Variants in BRWD1 observed in about 807,000 individuals in gnomAD.
The protein encoded by BRWD1 is bromodomain and WD repeat domain containing 1, also known as bromodomain and WD repeat-containing protein 1.
BRWD1 carries 82 observed loss-of-function variants against 251.2 expected under a neutral mutation model. The observed-to-expected ratio is 0.33, with a 90% CI of 0.27 to 0.39. The LOEUF (loss-of-function observed/expected upper bound fraction) is 0.39. Among genes scored for constraint, BRWD1 ranks in the 10% least tolerant of loss-of-function variants. The pLI, the probability that BRWD1 is intolerant of heterozygous loss-of-function variation, is 1.00. For synonymous variants in BRWD1, 918 were observed against 902.8 expected (o/e 1.02, Z -0.30); for missense variants, 2,233 against 2,711.6 (o/e 0.82, Z 3.92).
chr21:39,190,128 T>C lies in BRWD1; in HGVS notation c.*6131A>G, dbSNP rs1165195226. ...TCACAGATATGTGTGTATTCTAAGA[T>C]GGTATATGTGGTGAATAGAAACCTG... On this transcript the variant is annotated 3_prime_UTR_variant, in exon 41 of 41. Transcript: ENST00000342449. 3 of 984,980 alleles carry C rather than the reference T, an allele frequency of 3.0e-6. No homozygotes were observed. Among genetic ancestry groups the C allele is most frequent in the Non-Finnish European group, 3.6e-6 (3 of 829,650 alleles). 61.0% of individuals were successfully genotyped at this position (984,980 alleles called of 1,614,324 possible). A position where few individuals can be genotyped will look rare whatever the true frequency, so the allele number is the denominator to read the frequency against.
chr21:39,292,522 C>T (rs934508129), intron 8 of BRWD1, among the ~76,000 whole-genome samples: 25 of 152,136 alleles, frequency 1.6e-4, no homozygotes, highest in Non-Finnish European at 2.8e-4. Flanking sequence ...TCGCCCCAGA[C>T]GTTTTGAAAT....
Position 39,270,364 on chromosome 21 carries a change from A to G in BRWD1, c.1314T>C (p.Asp438=), listed in dbSNP as rs2035059858. The G allele has an allele frequency of 1.9e-6, 3 of 1,612,878 alleles. No individual in the cohort carries two copies. The highest frequency in any genetic ancestry group is 2.5e-6 in the Non-Finnish European group (3 of 1,179,416). Residue 438 remains aspartate (D), a synonymous_variant, in exon 14 of 41, where the codon GAT becomes GAC. Coordinates refer to ENST00000342449, the MANE Select transcript of BRWD1 (RefSeq NM_033656.4). The stretch of plus-strand genomic sequence containing the variant: ...CATTCACAGCTGTGACAACAATGCT[A>G]TCATTTTGATTCCAAGCTATCATTG... The part of the protein sequence containing the change: ...KVTMIAWNQN[D]SIVVTAVNDH...
rs1391459066 is a variant in BRWD1 at position 39,199,303 on chromosome 21, A to T, written c.5113T>A (p.Ser1705Thr). The change falls in exon 40 of 41, where the codon TCT (serine) becomes ACT (threonine). Residue 1705 changes from serine (S) to threonine (T), a missense_variant. Physicochemically the swap from Ser to Thr is moderately conservative, Grantham distance 58. This residue lies in a region of BRWD1 where 928 missense variants were observed against 970.0 expected (regional missense o/e 0.96). Coordinates refer to ENST00000342449, the MANE Select transcript of BRWD1 (RefSeq NM_033656.4). Reference protein sequence around the residue: ...DENQLLPVSSSHTAQSNVDES... With the variant: ...DENQLLPVSSTHTAQSNVDES... ...TCAACATTGCTCTGGGCAGTGTGAGAACTGGACACTGGTAATAGTTGATTT... is the reference window on the plus strand; with the variant it reads ...TCAACATTGCTCTGGGCAGTGTGAGTACTGGACACTGGTAATAGTTGATTT... 2 of 1,614,050 alleles carry T rather than the reference A, an allele frequency of 1.2e-6. No homozygotes were observed. The highest frequency in any genetic ancestry group is 2.2e-5 in the East Asian group (1 of 44,894).
chr21:39,186,857 CAT>C lies in BRWD1; in HGVS notation c.*9400_*9401del, dbSNP rs2031264211. ...TTCCTCCTCAGAATTCCCCAGAGCA[CAT>C]GTCTGTACAAGAGCTGACTGGGAGG... On this transcript the variant is annotated 3_prime_UTR_variant, in exon 41 of 41. Coordinates refer to ENST00000342449, the MANE Select transcript of BRWD1 (RefSeq NM_033656.4). The C allele has an allele frequency of 2.6e-6, 3 of 1,141,372 alleles. No homozygotes were observed. The highest frequency in any genetic ancestry group is 3.5e-6 in the Non-Finnish European group (3 of 853,914). 70.7% of individuals were successfully genotyped at this position (1,141,372 alleles called of 1,614,324 possible). A position where few individuals can be genotyped will look rare whatever the true frequency, so the allele number is the denominator to read the frequency against.
chr21:39,312,610 GC>G (rs1475033180), intron 4 of BRWD1: 11 of 365,364 alleles, frequency 3.0e-5, no homozygotes, highest in East Asian at 2.9e-4. Flanking sequence ...TCCGCGAGTC[GC>G]CCCCACCGCT....
chr21:39,261,327 G>C (rs968417325), intron 17 of BRWD1, among the ~76,000 whole-genome samples: 1 of 152,188 alleles, frequency 6.6e-6, no homozygotes, highest in Non-Finnish European at 1.5e-5. Flanking sequence ...AATTTGCAGA[G>C]CTCTCACAGG....
In BRWD1 at chr21:39,195,918, C is replaced by T; in HGVS notation, c.*341G>A. 1 of 1,013,106 alleles carries T rather than the reference C, an allele frequency of 9.9e-7. No individual in the cohort carries two copies. Among genetic ancestry groups the T allele is most frequent in the Non-Finnish European group, 1.2e-6 (1 of 848,800 alleles). 62.8% of individuals were successfully genotyped at this position (1,013,106 alleles called of 1,614,324 possible). A position where few individuals can be genotyped will look rare whatever the true frequency, so the allele number is the denominator to read the frequency against. On this transcript the variant is annotated 3_prime_UTR_variant, in exon 41 of 41. Transcript: ENST00000342449. ...CCTCTTTGACAAATTCAGAAAATAA[C>T]TGCATGACACTTGCTGCCATGAAAG...
Position 39,293,815 on chromosome 21 carries a change from A to T in BRWD1, c.827T>A (p.Leu276Ter). Residue 276 changes from leucine (L) to a stop codon, truncating the protein, a stop_gained, in exon 8 of 41, where the codon TTA becomes TAA. Transcript: ENST00000342449. LOFTEE classifies it high-confidence loss of function. ...LQGHTGSITS[L>*]QFSPMAKGSQ... ...CCCACTAAGCTACAAGTTTACCTGTAAAGATGTAATTGATCCTGTGTGTCC... is the reference window on the plus strand; with the variant it reads ...CCCACTAAGCTACAAGTTTACCTGTTAAGATGTAATTGATCCTGTGTGTCC... The T allele has an allele frequency of 6.2e-7, 1 of 1,613,436 alleles. No individual in the cohort carries two copies.
chr21:39,188,825 A>G lies in BRWD1; in HGVS notation c.*7434T>C, dbSNP rs922022080. 7 of 985,284 alleles carry G rather than the reference A, an allele frequency of 7.1e-6. No homozygotes were observed. Among genetic ancestry groups the G allele is most frequent in the Non-Finnish European group, 8.4e-6 (7 of 829,918 alleles). The allele number at this position is 985,284 out of a possible 1,614,324, so 61.0% of individuals were successfully genotyped here. ...TTTTGCCAACTAACTTATGTGATTCACATGTTTTTCCAGTGAAATTCTAAG... is the reference window on the plus strand; with the variant it reads ...TTTTGCCAACTAACTTATGTGATTCGCATGTTTTTCCAGTGAAATTCTAAG... On this transcript the variant is annotated 3_prime_UTR_variant, in exon 41 of 41. Coordinates refer to ENST00000342449, the MANE Select transcript of BRWD1 (RefSeq NM_033656.4).
chr21:39,305,720 G>A (rs2146789125), intron 4 of BRWD1, among the ~76,000 whole-genome samples: 1 of 152,170 alleles, frequency 6.6e-6, no homozygotes. Flanking sequence ...AGAATTAGCT[G>A]GGCATGGTGG....
At chr21:39,282,560 T>TA (rs960130291) in intron 8 of BRWD1, among the ~76,000 whole-genome samples, 2 of 152,012 alleles carry the variant, frequency 1.3e-5, no homozygotes, top group Non-Finnish European at 2.9e-5. Flanking sequence ...GCTTTCACTT[T>TA]AAAAAAAATT....
chr21:39,287,719 G>A (rs933123140), intron 8 of BRWD1, among the ~76,000 whole-genome samples: 9 of 152,050 alleles, frequency 5.9e-5, no homozygotes, highest in Admixed American at 2.0e-4. Flanking sequence ...CCTCACTACC[G>A]TTATGCACAT....
intron 5 of BRWD1, chr21:39,296,568 C>T (rs2035967485): frequency 1.6e-6 from 2 of 1,213,782 alleles, no homozygotes; most frequent in Non-Finnish European, 2.1e-6. Flanking sequence ...GCAACAACAA[C>T]TAACATTTGT....
chr21:39,318,626 T>A (rs1172827133), upstream of BRWD1, among the ~76,000 whole-genome samples: 1 of 152,158 alleles, frequency 6.6e-6, no homozygotes, highest in Non-Finnish European at 1.5e-5. Flanking sequence ...CTTCCCTGGC[T>A]CCTGGGCTGT....
chr21:39,216,410 A>G (rs2032894123), intron 31 of BRWD1, among the ~76,000 whole-genome samples: 1 of 152,204 alleles, frequency 6.6e-6, no homozygotes, highest in Admixed American at 6.5e-5. Flanking sequence ...AGAAAAACAG[A>G]TTACTAAAGA....
At chr21:39,265,323 G>A (rs11911019) in intron 15 of BRWD1, among the ~76,000 whole-genome samples, 2,316 of 152,208 alleles carry the variant, frequency 0.015, 58 homozygotes, top group African/African-American at 0.053. Flanking sequence ...TACTCAGGAA[G>A]CTGAGACACG....
intron 15 of BRWD1, among the ~76,000 whole-genome samples, chr21:39,266,726 T>C (rs1164996979): frequency 6.6e-5 from 10 of 152,204 alleles, no homozygotes; most frequent in Non-Finnish European, 1.5e-5. Flanking sequence ...AAATGTCACA[T>C]TAAAGTTTAT....
At chr21:39,274,074 C>A (rs1280930084) in intron 13 of BRWD1, among the ~76,000 whole-genome samples, 1 of 152,050 alleles carries the variant, frequency 6.6e-6, no homozygotes. Flanking sequence ...TTAATTTTAT[C>A]TTTTTTACTT....
upstream of BRWD1, chr21:39,314,736 AC>A: frequency 4.2e-6 from 1 of 237,048 alleles, no homozygotes; most frequent in African/African-American, 2.3e-5. Context: ...AATAACCTAC[AC>A]ACCACATAGA....
Sources: gnomAD v4.1 joint callset for allele counts (sites outside exome capture counted in the v4.1 genomes callset) on GRCh38, gnomAD v4.1.1 for gene constraint, gnomAD v4.1.1 regional missense constraint, MANE v1.5 for transcripts, NCBI Gene and HGNC (gene_info 2026-07-23, HGNC 2026-07-21) for gene names.